EFL1: variants seen among roughly 807,000 people sequenced by gnomAD.
The protein encoded by EFL1 is elongation factor like GTPase 1.
Under a neutral mutation model 126.7 loss-of-function variants are expected in EFL1, and 76 were observed. That is an observed-to-expected ratio of 0.60 (90% confidence interval 0.50 to 0.73). The LOEUF (loss-of-function observed/expected upper bound fraction) is 0.73, where lower values mean the gene tolerates loss of function less well. Among genes scored for constraint, EFL1 ranks in the 30% least tolerant of loss-of-function variants. The pLI is 0.00. For missense variants in EFL1, 1,128 were observed against 1,343.2 expected, an observed-to-expected ratio of 0.84 and a Z score of 2.50; for synonymous variants, 410 against 448.4, an observed-to-expected ratio of 0.91 and a Z score of 1.08.
chr15:82,228,197 C>T lies in EFL1; in HGVS notation c.1063G>A (p.Val355Ile). ...CSQWLPISHA[V>I]LAMVCQKLPS... ...CCATTAGAATAAAGGATACCAAGAA[C>T]AGCATGGGATATGGGTAGCCACTGA... is the stretch of plus-strand genomic sequence containing the variant. Residue 355 changes from valine to isoleucine, a missense_variant, in exon 10 of 20, where the codon GTT (valine) becomes ATT (isoleucine). Around this residue, in one of 6 missense-constraint regions of EFL1, gnomAD observed 316 missense variants for 318.5 expected, o/e 0.99. Transcript: ENST00000268206. The T allele has an allele frequency of 1.2e-6, 2 of 1,609,352 alleles. No individual in the cohort carries two copies. Among genetic ancestry groups the T allele is most frequent in the Non-Finnish European group, 1.7e-6 (2 of 1,178,878 alleles).
chr15:82,249,270 G>A (rs1363435628), intron 4 of EFL1, among the ~76,000 whole-genome samples: 3 of 151,356 alleles, frequency 2.0e-5, no homozygotes, highest in African/African-American at 7.3e-5. Flanking sequence ...ACATCCCATC[G>A]CTACAAAACA....
intron 18 of EFL1, among the ~76,000 whole-genome samples, chr15:82,145,174 A>G (rs1256611927): frequency 1.3e-5 from 2 of 151,688 alleles, no homozygotes; most frequent in Admixed American, 6.6e-5. Flanking sequence ...GTGGTGGCAC[A>G]TGCCTGTAAT....
At chr15:82,181,622 A>ATGTGTG (rs35063141) in intron 15 of EFL1, among the ~76,000 whole-genome samples, 6,476 of 149,424 alleles carry the variant, frequency 0.043, 184 homozygotes, top group Non-Finnish European at 0.066. Context: ...ATGTGTGTGC[A>ATGTGTG]TGTGTGTGTG....
At chr15:82,173,613 A>C (rs2074159871) in intron 15 of EFL1, among the ~76,000 whole-genome samples, 1 of 152,188 alleles carries the variant, frequency 6.6e-6, no homozygotes, top group Non-Finnish European at 1.5e-5. Flanking sequence ...TGTAATTTGC[A>C]AATATTCTAT....
chr15:82,234,030 T>C (rs1180066694), intron 7 of EFL1, among the ~76,000 whole-genome samples: 3 of 152,244 alleles, frequency 2.0e-5, no homozygotes, highest in Admixed American at 1.3e-4. Context: ...CATTCATTTA[T>C]TGGCTGATAG....
intron 7 of EFL1, among the ~76,000 whole-genome samples, chr15:82,233,939 T>C (rs1192547807): frequency 1.3e-5 from 2 of 152,312 alleles, no homozygotes; most frequent in Non-Finnish European, 2.9e-5. Context: ...CCACCACTAC[T>C]TTCCCATAAA....
At chr15:82,173,902 C>T (rs1322051483) in intron 15 of EFL1, among the ~76,000 whole-genome samples, 3 of 151,854 alleles carry the variant, frequency 2.0e-5, no homozygotes, top group Non-Finnish European at 2.9e-5. Flanking sequence ...TTAAAAAATA[C>T]ATTTGGGCCA....
At chr15:82,199,403 G>A (rs554927305) in intron 15 of EFL1, among the ~76,000 whole-genome samples, 6 of 152,280 alleles carry the variant, frequency 3.9e-5, no homozygotes, top group African/African-American at 1.2e-4. Flanking sequence ...TTGTCTCAGG[G>A]AAGACCCTCA....
At chr15:82,131,752 A>ATT (rs2073648167) in intron 19 of EFL1, among the ~76,000 whole-genome samples, 1 of 152,110 alleles carries the variant, frequency 6.6e-6, no homozygotes, top group African/African-American at 2.4e-5. Flanking sequence ...AGATCACACC[A>ATT]TTGCACTCCA....
chr15:82,207,979 C>T (rs1373811370), intron 15 of EFL1, among the ~76,000 whole-genome samples: 2 of 152,110 alleles, frequency 1.3e-5, no homozygotes, highest in African/African-American at 4.8e-5. Context: ...CCTCGGCCTC[C>T]CAAAGTGCTG....
intron 6 of EFL1, 40 bp downstream of exon 6, chr15:82,240,378 C>T: frequency 1.3e-6 from 2 of 1,539,374 alleles, no homozygotes; most frequent in Non-Finnish European, 1.8e-6. Context: ...TACAACTCTT[C>T]TTCGTGGCTA....
intron 15 of EFL1, among the ~76,000 whole-genome samples, chr15:82,210,431 A>C (rs144012749): frequency 6.6e-6 from 1 of 152,344 alleles, no homozygotes; most frequent in Non-Finnish European, 1.5e-5. Context: ...GCTGTAAGGA[A>C]GCCAAGCAGC....
intron 15 of EFL1, among the ~76,000 whole-genome samples, chr15:82,191,183 T>C (rs893021650): frequency 1.3e-5 from 2 of 152,154 alleles, no homozygotes; most frequent in African/African-American, 4.8e-5. Flanking sequence ...ATTATTCACA[T>C]TGCAGTAAGT....
chr15:82,145,303 C>CA (rs59928134), intron 18 of EFL1, among the ~76,000 whole-genome samples: 47,957 of 96,138 alleles, frequency 0.5, 10,747 homozygotes, highest in African/African-American at 0.67. Context: ...AACTCTGTCT[C>CA]AAAAAAAAAA....
At position 82,152,109 on chromosome 15, in the gene EFL1, G is replaced by A. The variant is rs772141299; in HGVS notation, c.2345C>T (p.Ser782Phe). The A allele has an allele frequency of 2.2e-5, 36 of 1,614,012 alleles. No individual in the cohort carries two copies. Among genetic ancestry groups the A allele is most frequent in the African/African-American group, 4.0e-5 (3 of 74,924 alleles). Residue 782 changes from serine (S) to phenylalanine (F), a missense_variant, in exon 18 of 20, where the codon TCT becomes TTT. Physicochemically the swap from Ser to Phe is radical, Grantham distance 155. This residue lies in a region of EFL1 where 561 missense variants were observed against 641.7 expected (regional missense o/e 0.87). Transcript: ENST00000268206. ...GTGAGTATTTTCACCCTCATTCAAA[G>A]AGGATGTCAACTGCTCCATAGAACG... ...LIRSMEQLTS[S>F]LNEGENTHMI...
rs1033182057 is a variant in EFL1, at chr15:82,161,212, C to T, written c.1882+2641G>A. On this transcript the variant is annotated intron_variant, in intron 16 of 19. Coordinates refer to ENST00000268206, the MANE Select transcript of EFL1 (RefSeq NM_024580.6). ...AAAAAAAAGAGAGGACATGGGGATA[C>T]GTGGTCTATTCAAGAAAAACAATGA... is the stretch of plus-strand genomic sequence containing the variant. Among the ~76,000 whole-genome samples, 7 of 151,868 alleles carry T rather than the reference C, an allele frequency of 4.6e-5. No homozygotes were observed. The East Asian group carries it at 9.6e-4, about 21-fold the overall frequency.
chr15:82,211,530 A>G (rs1479724060), intron 15 of EFL1, among the ~76,000 whole-genome samples: 1 of 122,114 alleles, frequency 8.2e-6, no homozygotes, highest in Non-Finnish European at 1.8e-5. Flanking sequence ...TGTCTCAAAG[A>G]AAAAAAAAAA....
chr15:82,230,767 C>T, intron 8 of EFL1, 81 bp downstream of exon 8: 1 of 1,465,002 alleles, frequency 6.8e-7, no homozygotes, highest in Non-Finnish European at 9.1e-7. Flanking sequence ...AGCTGAATTA[C>T]ATTTATTAAA....
rs1191334273 is a variant in EFL1, at chr15:82,220,248, A to G, written c.1293-19T>C. Reference sequence around the variant, plus strand: ...GAGAGGCCTACAGGATATCACAAATATGCTGTCATCTCTCAGTTCATCCAA... The same window carrying G: ...GAGAGGCCTACAGGATATCACAAATGTGCTGTCATCTCTCAGTTCATCCAA... On this transcript the variant is annotated intron_variant, in intron 12 of 19. Coordinates refer to ENST00000268206, the MANE Select transcript of EFL1 (RefSeq NM_024580.6). The G allele has an allele frequency of 1.3e-6, 2 of 1,566,860 alleles. No homozygotes were observed. The highest frequency in any genetic ancestry group is 1.2e-5 in the South Asian group (1 of 83,460).
Sources: allele counts gnomAD v4.1 joint callset (sites outside exome capture counted in the v4.1 genomes callset), GRCh38; gene constraint gnomAD v4.1.1; regional missense constraint gnomAD v4.1.1; transcripts MANE v1.5; gene names NCBI Gene and HGNC (gene_info 2026-07-23, HGNC 2026-07-21).